Variants in COMMD10 observed in about 807,000 individuals in gnomAD.
COMMD10 encodes COMM domain containing 10, also known as COMM domain-containing protein 10.
COMMD10 carries 33 observed loss-of-function variants against 28.9 expected under a neutral mutation model. The observed-to-expected ratio is 1.14, with a 90% CI of 0.87 to 1.53. COMMD10 has a LOEUF of 1.53. COMMD10 is among the 40% of genes most tolerant of loss of function. COMMD10 has a pLI of 0.00. For missense variants in COMMD10, 310 were observed against 233.4 expected (o/e 1.33, Z -2.14); for synonymous variants, 110 against 81.7 (o/e 1.35, Z -1.87).
chr5:116,188,808 T>A (rs1198627821), intron 5 of COMMD10, among the ~76,000 whole-genome samples: 1 of 152,108 alleles, frequency 6.6e-6, no homozygotes, highest in Admixed American at 6.6e-5. Flanking sequence ...TTTGTATTTT[T>A]TTGTAGAGAG....
At chr5:116,269,091 TATA>T (rs921367249) in intron 5 of COMMD10, among the ~76,000 whole-genome samples, 2 of 151,672 alleles carry the variant, frequency 1.3e-5, no homozygotes, top group Non-Finnish European at 2.9e-5. Context: ...GAGCTTAAAG[TATA>T]ATAATAATAA....
chr5:116,232,151 G>C (rs1487231736), intron 5 of COMMD10, among the ~76,000 whole-genome samples: 3 of 152,106 alleles, frequency 2.0e-5, no homozygotes, highest in Non-Finnish European at 4.4e-5. Context: ...ATTGCATACT[G>C]TATCAATTTC....
intron 5 of COMMD10, among the ~76,000 whole-genome samples, chr5:116,159,025 C>T (rs1215455429): frequency 6.6e-6 from 1 of 152,300 alleles, no homozygotes; most frequent in Non-Finnish European, 1.5e-5. Context: ...TAATCATTTA[C>T]ATTTGACATG....
At chr5:116,226,525 A>G (rs1481781900) in intron 5 of COMMD10, among the ~76,000 whole-genome samples, 3 of 146,366 alleles carry the variant, frequency 2.0e-5, no homozygotes, top group Admixed American at 6.9e-5. Flanking sequence ...TAGAGTCACT[A>G]TTTTTCACTG....
intron 5 of COMMD10, among the ~76,000 whole-genome samples, chr5:116,203,054 G>A (rs371510076): frequency 1.3e-5 from 2 of 151,758 alleles, no homozygotes; most frequent in South Asian, 2.1e-4. Flanking sequence ...ATCTTGAATT[G>A]ATTTTTGTAT....
chr5:116,117,586 C>T (rs1057163029), intron 4 of COMMD10, among the ~76,000 whole-genome samples: 1 of 152,150 alleles, frequency 6.6e-6, no homozygotes, highest in Non-Finnish European at 1.5e-5. Flanking sequence ...GTCTCAGCCT[C>T]CCGAGTAGTT....
intron 5 of COMMD10, among the ~76,000 whole-genome samples, chr5:116,209,315 C>T (rs1434187042): frequency 6.6e-6 from 1 of 152,080 alleles, no homozygotes; most frequent in Non-Finnish European, 1.5e-5. Flanking sequence ...TTAATGGTTT[C>T]ATTGTTTTAG....
In COMMD10 at chr5:116,153,069, C is replaced by T. The variant is rs1354703609; in HGVS notation, c.510+18891C>T. 8.6e-5 allele frequency among the ~76,000 whole-genome samples: 13 copies of T among 152,034 alleles called. No individual in the cohort carries two copies. In the South Asian group the frequency reaches 1.5e-3, roughly 17 times the overall value. On this transcript the variant is annotated intron_variant, in intron 5 of 6. Coordinates refer to ENST00000274458, the MANE Select transcript of COMMD10 (RefSeq NM_016144.4). ...ATAATAGCATATTTGTGCATCTTTTCGACACTACACATGAATGACCTTTAT... is the reference window on the plus strand; with the variant it reads ...ATAATAGCATATTTGTGCATCTTTTTGACACTACACATGAATGACCTTTAT...
intron 5 of COMMD10, among the ~76,000 whole-genome samples, chr5:116,179,627 T>C (rs72804867): frequency 0.054 from 8,233 of 152,152 alleles, 310 homozygotes; most frequent in East Asian, 0.15. Flanking sequence ...AGGTATACAA[T>C]AGGAATTAAT....
At chr5:116,259,772 T>C (rs1750391017) in intron 5 of COMMD10, among the ~76,000 whole-genome samples, 1 of 151,774 alleles carries the variant, frequency 6.6e-6, no homozygotes, top group Non-Finnish European at 1.5e-5. Context: ...TACATTTCCA[T>C]AAATTGGCTG....
chr5:116,214,804 G>T (rs1047586943), intron 5 of COMMD10, among the ~76,000 whole-genome samples: 1 of 152,030 alleles, frequency 6.6e-6, no homozygotes, highest in African/African-American at 2.4e-5. Context: ...TTCCTGCAGT[G>T]ATTCTTCTTT....
chr5:116,130,591 T>A (rs2112768017), intron 4 of COMMD10, among the ~76,000 whole-genome samples: 1 of 152,120 alleles, frequency 6.6e-6, no homozygotes, highest in Non-Finnish European at 1.5e-5. Context: ...TTATCCAAAA[T>A]TAGTGAATGT....
chr5:116,171,263 C>T (rs1753322848), intron 5 of COMMD10, among the ~76,000 whole-genome samples: 1 of 152,174 alleles, frequency 6.6e-6, no homozygotes, highest in Non-Finnish European at 1.5e-5. Flanking sequence ...AAATGCAAAT[C>T]AACATCACAA....
rs138540139 is a variant in COMMD10 at position 116,158,627 on chromosome 5, C to A, written c.510+24449C>A. Among the ~76,000 whole-genome samples, 251 of 151,396 alleles carry A rather than the reference C, an allele frequency of 1.7e-3. 3 individuals carry two copies. The highest frequency in any genetic ancestry group is 5.7e-3 in the African/African-American group (235 of 41,220). On this transcript the variant is annotated intron_variant, in intron 5 of 6. Transcript: ENST00000274458. ...AAAGTGCTGGGATTATAGGAATGGG[C>A]CGCCATGCTTGGACAGCAAAACTTT...
At chr5:116,267,233 A>G (rs1007777499) in intron 5 of COMMD10, among the ~76,000 whole-genome samples, 40 of 151,952 alleles carry the variant, frequency 2.6e-4, no homozygotes, top group Admixed American at 6.5e-5. Flanking sequence ...TTAAGCTGAT[A>G]AGCAACTTCA....
intron 4 of COMMD10, among the ~76,000 whole-genome samples, chr5:116,100,297 TATA>T (rs1347978957): frequency 5.3e-5 from 8 of 152,290 alleles, no homozygotes; most frequent in African/African-American, 1.9e-4. Flanking sequence ...TTTAGTTTGA[TATA>T]ATCACACTTG....
intron 5 of COMMD10, among the ~76,000 whole-genome samples, chr5:116,142,637 T>G (rs73253243): frequency 0.092 from 13,893 of 151,804 alleles, 1,277 homozygotes; most frequent in African/African-American, 0.24. Context: ...CTTTAATAAC[T>G]AGGTAATTAA....
chr5:116,173,946 T>G (rs1355605951), intron 5 of COMMD10, among the ~76,000 whole-genome samples: 1 of 152,044 alleles, frequency 6.6e-6, no homozygotes, highest in African/African-American at 2.4e-5. Context: ...ATATGCCATG[T>G]GCCATATACT....
At position 116,267,950 on chromosome 5, in the gene COMMD10, G is replaced by A. The variant is rs890100583; in HGVS notation, c.511-23567G>A. Among the ~76,000 whole-genome samples the A allele has an allele frequency of 2.8e-4, 42 of 151,542 alleles. 1 individual carries two copies. Among genetic ancestry groups the A allele is most frequent in the African/African-American group, 7.3e-4 (30 of 41,152 alleles). On this transcript the variant is annotated intron_variant, in intron 5 of 6. Coordinates refer to ENST00000274458, the MANE Select transcript of COMMD10 (RefSeq NM_016144.4). The stretch of plus-strand genomic sequence containing the variant: ...TTACACCTTATACAAAAATTAATTC[G>A]AGATGGATTAAAGACTTACATGTTA...
Sources: allele counts gnomAD v4.1 joint callset (sites outside exome capture counted in the v4.1 genomes callset), GRCh38; gene constraint gnomAD v4.1.1; transcripts MANE v1.5; gene names NCBI Gene and HGNC (gene_info 2026-07-23, HGNC 2026-07-21).